Variants in BMPER observed in about 807,000 individuals in gnomAD.
BMPER encodes BMP binding endothelial regulator.
BMPER carries 45 observed loss-of-function variants against 87.3 expected under a neutral mutation model. That is an observed-to-expected ratio of 0.52 (90% CI 0.41 to 0.66). The LOEUF (loss-of-function observed/expected upper bound fraction) is 0.66, where lower values mean the gene tolerates loss of function less well. Ranked by LOEUF, BMPER falls within the 30% of genes least tolerant of loss-of-function variation. BMPER has a pLI of 0.00. For synonymous variants in BMPER, 326 were observed against 316.2 expected, an observed-to-expected ratio of 1.03 and a Z score of -0.33; for missense variants, 784 against 867.5, an observed-to-expected ratio of 0.90 and a Z score of 1.21.
At chr7:33,938,433 A>C (rs1784664310) in intron 3 of BMPER, among the ~76,000 whole-genome samples, 1 of 152,304 alleles carries the variant, frequency 6.6e-6, no homozygotes, top group South Asian at 2.1e-4. Flanking sequence ...CTTTATAAGA[A>C]GAGGAAGAGA....
intron 13 of BMPER, among the ~76,000 whole-genome samples, chr7:34,121,661 CTT>C (rs1790266141): frequency 6.6e-6 from 1 of 152,212 alleles, no homozygotes; most frequent in Admixed American, 6.5e-5. Flanking sequence ...TTATTATTGA[CTT>C]GACTCTGAGT....
chr7:34,126,362 AGG>A (rs1790402646), intron 13 of BMPER, among the ~76,000 whole-genome samples: 1 of 152,194 alleles, frequency 6.6e-6, no homozygotes, highest in Non-Finnish European at 1.5e-5. Context: ...GACCATGACT[AGG>A]GCTTAGTTAG....
chr7:33,959,833 A>G (rs140359107), intron 3 of BMPER, among the ~76,000 whole-genome samples: 1 of 152,174 alleles, frequency 6.6e-6, no homozygotes, highest in African/African-American at 2.4e-5. Context: ...CTGAGCCACA[A>G]TTTCATCACT....
rs150174153 is a variant in BMPER, at chr7:33,997,997, C to A, written c.576+23213C>A. ...TTATCACCTGCTGATGTGCTTTTTT[C>A]ATTTTGTCTTTCTCTTCTTTCCCTG... is the stretch of plus-strand genomic sequence containing the variant. On this transcript the variant is annotated intron_variant, in intron 6 of 14. Coordinates refer to ENST00000649409, the MANE Select transcript of BMPER (RefSeq NM_001365308.1). 2.4e-3 allele frequency among the ~76,000 whole-genome samples: 370 copies of A among 152,252 alleles called. 2 individuals are homozygous for A. Among genetic ancestry groups the A allele is most frequent in the African/African-American group, 8.4e-3 (349 of 41,566 alleles).
intron 6 of BMPER, among the ~76,000 whole-genome samples, chr7:33,975,638 A>T (rs1030835474): frequency 6.6e-6 from 1 of 152,190 alleles, no homozygotes; most frequent in African/African-American, 2.4e-5. Context: ...GAGTTAGTAC[A>T]ACCATCTATT....
At chr7:33,993,876 G>A (rs1367999895) in intron 6 of BMPER, among the ~76,000 whole-genome samples, 6 of 152,204 alleles carry the variant, frequency 3.9e-5, no homozygotes, top group Non-Finnish European at 7.3e-5. Context: ...GGAGTACCAT[G>A]CAGTGTGAGG....
At chr7:34,143,491 C>T in intron 14 of BMPER, 131 bp downstream of exon 14, 1 of 1,362,680 alleles carries the variant, frequency 7.3e-7, no homozygotes, top group South Asian at 1.2e-5. Context: ...CTTCCAGTAG[C>T]CCATCTGGAT....
intron 2 of BMPER, among the ~76,000 whole-genome samples, chr7:33,926,441 A>G (rs1305484363): frequency 6.6e-6 from 1 of 152,206 alleles, no homozygotes; most frequent in Non-Finnish European, 1.5e-5. Context: ...AAATGGGCAC[A>G]TGTTGTGAAT....
At position 33,922,028 on chromosome 7, in the gene BMPER, A is replaced by G. The variant is rs571320397; in HGVS notation, c.219+15125A>G. The stretch of plus-strand genomic sequence containing the variant: ...GTGCAGAATAAAGCCATTCTGGGAA[A>G]TTTTAGTTTTCTTCTCTCCCTTTTG... On this transcript the variant is annotated intron_variant, in intron 2 of 14. Coordinates refer to ENST00000649409, the MANE Select transcript of BMPER (RefSeq NM_001365308.1). The G allele has an allele frequency of 1.0e-3, 340 of 339,912 alleles. 1 individual carries two copies. The highest frequency in any genetic ancestry group is 5.4e-3 in the African/African-American group (252 of 46,580). 21.1% of individuals were successfully genotyped at this position (339,912 alleles called of 1,614,324 possible). A position where few individuals can be genotyped will look rare whatever the true frequency, so the allele number is the denominator to read the frequency against.
chr7:34,069,733 A>G (rs776538953), intron 11 of BMPER, among the ~76,000 whole-genome samples: 5 of 152,080 alleles, frequency 3.3e-5, no homozygotes, highest in Non-Finnish European at 5.9e-5. Flanking sequence ...AAGCAGTTGT[A>G]TTTACTTACT....
intron 6 of BMPER, among the ~76,000 whole-genome samples, chr7:34,032,854 G>T (rs1787565574): frequency 6.6e-6 from 1 of 152,072 alleles, no homozygotes; most frequent in African/African-American, 2.4e-5. Context: ...TTTTCCAGCA[G>T]GACTGATTCT....
intron 6 of BMPER, among the ~76,000 whole-genome samples, chr7:34,001,161 G>GT (rs1006365197): frequency 6.6e-6 from 1 of 151,110 alleles, no homozygotes; most frequent in African/African-American, 2.4e-5. Context: ...TGTTTTTTTT[G>GT]TATCAGGTTA....
chr7:33,936,584 A>T (rs1300607279), intron 2 of BMPER, among the ~76,000 whole-genome samples: 1 of 152,222 alleles, frequency 6.6e-6, no homozygotes, highest in Non-Finnish European at 1.5e-5. Flanking sequence ...TACAATCCAT[A>T]TACAAACAGG....
chr7:34,060,940 A>G (rs1788420278), intron 10 of BMPER, among the ~76,000 whole-genome samples: 1 of 152,240 alleles, frequency 6.6e-6, no homozygotes, highest in Non-Finnish European at 1.5e-5. Context: ...TGCAGTGGGA[A>G]GAAAATGTCC....
chr7:34,092,825 C>A (rs1306873384), intron 13 of BMPER, among the ~76,000 whole-genome samples: 7 of 152,224 alleles, frequency 4.6e-5, no homozygotes, highest in Non-Finnish European at 1.0e-4. Flanking sequence ...TATGGAACAT[C>A]ATTTTATCCA....
chr7:34,016,989 G>A (rs1234480385), intron 6 of BMPER, among the ~76,000 whole-genome samples: 1 of 151,872 alleles, frequency 6.6e-6, no homozygotes, highest in African/African-American at 2.4e-5. Context: ...GAATTTGGGG[G>A]ACATTACTGA....
intron 2 of BMPER, among the ~76,000 whole-genome samples, chr7:33,932,657 C>T (rs965065622): frequency 2.0e-5 from 3 of 152,112 alleles, no homozygotes; most frequent in Admixed American, 6.5e-5. Context: ...AGGATCCGCC[C>T]GCAGACATTT....
chr7:34,088,399 C>T (rs538388363), intron 13 of BMPER, among the ~76,000 whole-genome samples: 5 of 152,272 alleles, frequency 3.3e-5, no homozygotes, highest in Admixed American at 1.3e-4. Context: ...TGTTTCTCCC[C>T]CTTATTTCCA....
At chr7:34,134,860 G>A (rs1346211642) in intron 13 of BMPER, among the ~76,000 whole-genome samples, 3 of 152,138 alleles carry the variant, frequency 2.0e-5, no homozygotes, top group Non-Finnish European at 4.4e-5. Flanking sequence ...AAGCAAGTAT[G>A]TGGAGCTTCT....
Sources: gnomAD v4.1 joint callset for allele counts (sites outside exome capture counted in the v4.1 genomes callset) on GRCh38, gnomAD v4.1.1 for gene constraint, MANE v1.5 for transcripts, NCBI Gene and HGNC (gene_info 2026-07-23, HGNC 2026-07-21) for gene names.